Variants in ANK3 observed in about 807,000 individuals in gnomAD.
The protein encoded by ANK3 is ankyrin 3.
In ANK3, 57 loss-of-function variants were observed where a neutral mutation model predicts 370.9. The observed-to-expected ratio is 0.15, with a 90% CI of 0.12 to 0.19. The LOEUF is 0.19. Ranked by LOEUF, ANK3 falls within the 10% of genes least tolerant of loss-of-function variation. The pLI is 1.00. For synonymous variants in ANK3, 1,929 were observed against 1,946.3 expected (o/e 0.99, Z 0.23); for missense variants, 4,439 against 5,302.1 (o/e 0.84, Z 5.06).
intron 2 of ANK3, among the ~76,000 whole-genome samples, chr10:60,476,114 T>G (rs78816168): frequency 0.015 from 2,291 of 152,304 alleles, 58 homozygotes; most frequent in African/African-American, 0.052. Flanking sequence ...AAGTCATACC[T>G]ACATGTTTGT....
At chr10:60,033,536 A>AC (rs35202181) in intron 43 of ANK3, among the ~76,000 whole-genome samples, 19,194 of 97,044 alleles carry the variant, frequency 0.2, 2,413 homozygotes, top group African/African-American at 0.29. Flanking sequence ...AAAAAAAAAA[A>AC]AAACTTGGAA....
intron 2 of ANK3, among the ~76,000 whole-genome samples, chr10:60,530,744 C>T (rs956109600): frequency 1.3e-5 from 2 of 151,710 alleles, no homozygotes; most frequent in Admixed American, 6.6e-5. Flanking sequence ...AGTGAGTTAA[C>T]ACCTTAGCTC....
chr10:60,491,523 T>G (rs2075504543), intron 2 of ANK3, among the ~76,000 whole-genome samples: 2 of 152,192 alleles, frequency 1.3e-5, no homozygotes, highest in Admixed American at 6.5e-5. Context: ...TTCCTTTCTA[T>G]CCACATACTA....
chr10:60,049,987 A>C (rs564000013), intron 42 of ANK3, among the ~76,000 whole-genome samples: 1 of 152,336 alleles, frequency 6.6e-6, no homozygotes, highest in East Asian at 1.9e-4. Flanking sequence ...TAGATGTAAC[A>C]TTAGTATGTG....
At chr10:60,273,226 A>G (rs1195758001) in intron 4 of ANK3, among the ~76,000 whole-genome samples, 4 of 152,160 alleles carry the variant, frequency 2.6e-5, no homozygotes, top group African/African-American at 9.7e-5. Flanking sequence ...CTTTTCCACA[A>G]TAGCTTTCTA....
intron 1 of ANK3, among the ~76,000 whole-genome samples, chr10:60,644,270 T>C (rs1037943058): frequency 1.3e-5 from 2 of 152,198 alleles, no homozygotes; most frequent in Non-Finnish European, 2.9e-5. Flanking sequence ...AAGGAGAACA[T>C]AGCATCTGCC....
chr10:60,083,721 C>A, intron 32 of ANK3, 104 bp from the exon 33 acceptor site: 6 of 981,706 alleles, frequency 6.1e-6, no homozygotes, highest in Non-Finnish European at 7.5e-6. Flanking sequence ...CTATGTTACA[C>A]GTGTCTCTAT....
intron 1 of ANK3, among the ~76,000 whole-genome samples, chr10:60,637,733 T>C (rs888860827): frequency 1.3e-5 from 2 of 152,202 alleles, no homozygotes; most frequent in African/African-American, 4.8e-5. Context: ...TACTATAATG[T>C]TAAGCGAAAT....
At chr10:60,461,884 A>G (rs1022206357) in intron 2 of ANK3, among the ~76,000 whole-genome samples, 1 of 151,980 alleles carries the variant, frequency 6.6e-6, no homozygotes, top group African/African-American at 2.4e-5. Flanking sequence ...AGCACTGGAT[A>G]CCTCCCTGCC....
At position 60,076,263 on chromosome 10, in the gene ANK3, T is replaced by C. The variant is rs752978081; in HGVS notation, c.4618A>G (p.Ile1540Val). 3.7e-5 allele frequency: 60 copies of C among 1,614,028 alleles called. 1 individual carries two copies. The South Asian group carries it at 6.1e-4, about 17-fold the overall frequency. Residue 1540 changes from isoleucine (I) to valine (V), a missense_variant, in exon 37 of 44, where the codon ATA becomes GTA. Physicochemically the swap from Ile to Val is conservative, Grantham distance 29. Coordinates refer to ENST00000280772, the MANE Select transcript of ANK3 (RefSeq NM_020987.5). ...NTPSASPLKSIWSVSTPSPIK... is the reference protein window; with the variant it reads ...NTPSASPLKSVWSVSTPSPIK... ...GGAGAAGGTGTCGAAACAGACCATA[T>C]TGATTTTAACGGAGAAGCTGATGGC...
chr10:60,566,226 T>C (rs1161592421), intron 2 of ANK3, among the ~76,000 whole-genome samples: 6 of 152,176 alleles, frequency 3.9e-5, no homozygotes, highest in Non-Finnish European at 7.3e-5. Context: ...TCCACTGACA[T>C]GTTCTTCTCT....
In ANK3 at chr10:60,436,633, C is replaced by T. The variant is rs535263871; in HGVS notation, c.97-156994G>A. Among the ~76,000 whole-genome samples the T allele has an allele frequency of 8.6e-4, 131 of 152,174 alleles. 1 individual carries two copies. The highest frequency in any genetic ancestry group is 2.1e-3 in the South Asian group (10 of 4,824). On this transcript the variant is annotated intron_variant, in intron 2 of 43. Transcript: ENST00000373827. ...GATAACTACCGATTCAAATGCTTTG[C>T]CTATTTTTCAATTTGGTTATTTATC...
At chr10:60,519,803 G>A (rs1452263434) in intron 2 of ANK3, among the ~76,000 whole-genome samples, 1 of 152,076 alleles carries the variant, frequency 6.6e-6, no homozygotes, top group Non-Finnish European at 1.5e-5. Flanking sequence ...TAAGAACCAA[G>A]GCATAGAATC....
At chr10:60,101,318 C>A (rs2132069041) in intron 28 of ANK3, among the ~76,000 whole-genome samples, 1 of 152,252 alleles carries the variant, frequency 6.6e-6, no homozygotes. Flanking sequence ...TTAAGGACCT[C>A]TTCTACTAGA....
intron 7 of ANK3, among the ~76,000 whole-genome samples, chr10:60,253,324 C>T (rs935849081): frequency 1.3e-5 from 2 of 152,198 alleles, no homozygotes; most frequent in African/African-American, 2.4e-5. Context: ...ATTGATGATA[C>T]AGCCAAGATA....
At chr10:60,314,504 C>G (rs1351602419) in intron 1 of ANK3, among the ~76,000 whole-genome samples, 20 of 152,100 alleles carry the variant, frequency 1.3e-4, no homozygotes, top group Admixed American at 1.3e-3. Context: ...ACAGGAAATG[C>G]AAATGAGGGC....
chr10:60,389,604 C>A lies in ANK3; in HGVS notation c.-66G>T. 2 of 1,593,336 alleles carry A rather than the reference C, an allele frequency of 1.3e-6. No individual in the cohort carries two copies. The highest frequency in any genetic ancestry group is 1.7e-4 in the Middle Eastern group (1 of 5,914). ...TTGTAAAAGGTGATATCCTCAGGCA[C>A]CTCTAATCAGGCTTACAGCAGCATT... On this transcript the variant is annotated 5_prime_UTR_variant, in exon 1 of 44. Transcript: ENST00000280772.
intron 2 of ANK3, among the ~76,000 whole-genome samples, chr10:60,513,693 C>A (rs1331047714): frequency 6.6e-6 from 1 of 152,044 alleles, no homozygotes; most frequent in East Asian, 1.9e-4. Context: ...AAATTAGAGA[C>A]CCTATCTTTT....
intron 1 of ANK3, among the ~76,000 whole-genome samples, chr10:60,351,925 G>GA (rs148785030): frequency 8.8e-4 from 131 of 148,452 alleles, no homozygotes; most frequent in South Asian, 2.8e-3. Flanking sequence ...CATTTAGAAT[G>GA]AAAAAAAAAA....
Sources: allele counts gnomAD v4.1 joint callset (sites outside exome capture counted in the v4.1 genomes callset), GRCh38; gene constraint gnomAD v4.1.1; transcripts MANE v1.5; gene names NCBI Gene and HGNC (gene_info 2026-07-23, HGNC 2026-07-21).